The following ROBO2 variants were observed in gnomAD, a reference collection of about 807,000 sequenced individuals.
The protein encoded by ROBO2 is roundabout homolog 2.
ROBO2 carries 53 observed loss-of-function variants against 160.8 expected under a neutral mutation model. The observed-to-expected ratio is 0.33, with a 90% CI of 0.26 to 0.41. The LOEUF (loss-of-function observed/expected upper bound fraction) is 0.41. ROBO2 is among the 10% of genes least tolerant of loss of function. The pLI, the probability that ROBO2 is intolerant of heterozygous loss-of-function variation, is 1.00. For missense variants in ROBO2, 1,577 were observed against 1,722.4 expected (o/e 0.92, Z 1.49); for synonymous variants, 664 against 611.7 (o/e 1.09, Z -1.26).
chr3:76,593,105 CT>C (rs1205006279), intron 2 of ROBO2, among the ~76,000 whole-genome samples: 1 of 152,046 alleles, frequency 6.6e-6, no homozygotes, highest in African/African-American at 2.4e-5. Flanking sequence ...TATTGTGAAA[CT>C]ACCATGTACC....
At chr3:76,102,162 G>A (rs553793916) in intron 2 of ROBO2, among the ~76,000 whole-genome samples, 1 of 152,276 alleles carries the variant, frequency 6.6e-6, no homozygotes, top group Non-Finnish European at 1.5e-5. Flanking sequence ...ACTACCACAC[G>A]AGGCTACTAA....
intron 2 of ROBO2, among the ~76,000 whole-genome samples, chr3:76,579,351 C>A (rs2085507492): frequency 6.6e-6 from 1 of 152,078 alleles, no homozygotes; most frequent in African/African-American, 2.4e-5. Flanking sequence ...ATTTATTTTA[C>A]AGTTTACAGC....
intron 2 of ROBO2, among the ~76,000 whole-genome samples, chr3:76,794,669 G>A (rs1162279270): frequency 6.6e-6 from 1 of 151,958 alleles, no homozygotes; most frequent in Non-Finnish European, 1.5e-5. Context: ...ATTAAATACA[G>A]GTAGCAATAT....
chr3:76,175,905 C>T (rs1394605971), intron 2 of ROBO2, among the ~76,000 whole-genome samples: 1 of 152,022 alleles, frequency 6.6e-6, no homozygotes, highest in Non-Finnish European at 1.5e-5. Context: ...TTTTTCTTTC[C>T]ACCTTTTAGC....
intron 2 of ROBO2, among the ~76,000 whole-genome samples, chr3:75,990,092 G>A (rs997358080): frequency 6.6e-6 from 1 of 151,894 alleles, no homozygotes; most frequent in African/African-American, 2.4e-5. Context: ...TATAAAGTAT[G>A]TTTCTAGAAA....
rs1355171600 is a variant in ROBO2, at chr3:77,276,576, G to A, written c.388+178236G>A. On this transcript the variant is annotated intron_variant, in intron 2 of 25. Coordinates refer to ENST00000461745, the Ensembl canonical transcript of ROBO2. Reference sequence around the variant, plus strand: ...CCTCTTTTGACTTCCCCTTAGAAATGCTTTAATAATTACATTATTCAAAGG... The same window carrying A: ...CCTCTTTTGACTTCCCCTTAGAAATACTTTAATAATTACATTATTCAAAGG... 2.0e-5 allele frequency among the ~76,000 whole-genome samples: 3 copies of A among 152,180 alleles called. No homozygotes were observed. The East Asian group carries it at 5.8e-4, about 29-fold the overall frequency.
chr3:77,323,126 A>C (rs2064990610), intron 2 of ROBO2, among the ~76,000 whole-genome samples: 1 of 145,256 alleles, frequency 6.9e-6, no homozygotes, highest in African/African-American at 2.6e-5. Flanking sequence ...TATTACAATT[A>C]TAAAAAAAGT....
In ROBO2 at chr3:76,798,178, A is replaced by G. The variant is rs1209698184; in HGVS notation, c.110-299836A>G. On this transcript the variant is annotated intron_variant, in intron 2 of 26. Transcript: ENST00000487694. ...AGAAAGAAAGAAAGAAAGGGAGAGA[A>G]AGAAAGAAAGAAAAAGAAGAAAGAA... Among the ~76,000 whole-genome samples, 63 of 143,706 alleles carry G rather than the reference A, an allele frequency of 4.4e-4. 1 individual carries two copies. The highest frequency in any genetic ancestry group is 1.5e-3 in the African/African-American group (61 of 39,892). The allele number at this position is 143,706 out of a possible 152,430, so 94.3% of individuals were successfully genotyped here.
At chr3:77,233,441 G>A (rs116470188) in intron 2 of ROBO2, among the ~76,000 whole-genome samples, 2,236 of 152,216 alleles carry the variant, frequency 0.015, 67 homozygotes, top group African/African-American at 0.051. Context: ...CTGGTGACAG[G>A]AGACAAAAGC....
At chr3:77,291,326 A>G (rs2061216912) in intron 2 of ROBO2, among the ~76,000 whole-genome samples, 3 of 152,198 alleles carry the variant, frequency 2.0e-5, no homozygotes, top group South Asian at 4.1e-4. Flanking sequence ...GGCTGAGGCT[A>G]GATCACCCCA....
intron 2 of ROBO2, among the ~76,000 whole-genome samples, chr3:77,208,559 C>T (rs2083715384): frequency 6.6e-6 from 1 of 152,048 alleles, no homozygotes; most frequent in South Asian, 2.1e-4. Flanking sequence ...CCTGAAGACC[C>T]ATTAGACTGG....
chr3:77,266,383 G>A (rs187854721), intron 2 of ROBO2, among the ~76,000 whole-genome samples: 14 of 151,988 alleles, frequency 9.2e-5, no homozygotes, highest in African/African-American at 2.9e-4. Context: ...TTCCTTGTCC[G>A]TATTATTTTC....
At chr3:76,899,063 G>A (rs1371624775) in intron 2 of ROBO2, among the ~76,000 whole-genome samples, 1 of 151,994 alleles carries the variant, frequency 6.6e-6, no homozygotes, top group African/African-American at 2.4e-5. Flanking sequence ...ACCAGTACCG[G>A]ATGTAGAATG....
At chr3:77,032,555 T>A (rs2149561752) in intron 2 of ROBO2, among the ~76,000 whole-genome samples, 1 of 152,238 alleles carries the variant, frequency 6.6e-6, no homozygotes, top group African/African-American at 2.4e-5. Flanking sequence ...AAATGAATAT[T>A]TAAACTTTAG....
chr3:77,637,885 G>A (rs2095290449), intron 24 of ROBO2, among the ~76,000 whole-genome samples: 2 of 151,400 alleles, frequency 1.3e-5, no homozygotes, highest in Non-Finnish European at 2.9e-5. Flanking sequence ...CTAGTTTAAA[G>A]TATGATCAAT....
chr3:77,249,962 A>G (rs1421510961), intron 2 of ROBO2, among the ~76,000 whole-genome samples: 1 of 151,948 alleles, frequency 6.6e-6, no homozygotes, highest in Non-Finnish European at 1.5e-5. Flanking sequence ...GCATTTAAGG[A>G]AGCATCCAAA....
At chr3:76,134,799 A>G (rs190507227) in intron 2 of ROBO2, among the ~76,000 whole-genome samples, 5 of 152,206 alleles carry the variant, frequency 3.3e-5, no homozygotes, top group Admixed American at 2.0e-4. Flanking sequence ...TTCAGCAGAA[A>G]ACTAGTAAAA....
At chr3:77,562,534 T>G (rs183511338) in intron 9 of ROBO2, 117 bp from the exon 11 acceptor site, 1 of 708,344 alleles carries the variant, frequency 1.4e-6, no homozygotes, top group Admixed American at 2.1e-5. Context: ...ATGCATAATT[T>G]AGACAACAAA....
chr3:77,601,621 T>C (rs1190931945), intron 19 of ROBO2, among the ~76,000 whole-genome samples: 1 of 152,232 alleles, frequency 6.6e-6, no homozygotes, highest in Non-Finnish European at 1.5e-5. Flanking sequence ...TTCTGCTATA[T>C]TGTGAAAATG....
Sources: gnomAD v4.1 joint callset for allele counts (sites outside exome capture counted in the v4.1 genomes callset) on GRCh38, gnomAD v4.1.1 for gene constraint, MANE v1.5 for transcripts, NCBI Gene and HGNC (gene_info 2026-07-23, HGNC 2026-07-21) for gene names.